Variants in PKHD1 observed in about 807,000 individuals in gnomAD.
The protein encoded by PKHD1 is PKHD1 ciliary IPT domain containing fibrocystin/polyductin, also known as fibrocystin.
A neutral mutation model predicts 412.0 loss-of-function variants in PKHD1; 291 were observed. The observed-to-expected ratio is 0.71, with a 90% confidence interval of 0.64 to 0.78. The LOEUF is 0.78. Among genes scored for constraint, PKHD1 ranks in the 30% least tolerant of loss-of-function variants. The probability of loss-of-function intolerance (pLI) is 0.00; values close to 1 mark genes in which losing one functional copy is unlikely to be tolerated. For synonymous variants in PKHD1, 1,777 were observed against 1,821.5 expected, an observed-to-expected ratio of 0.98 and a Z score of 0.62; for missense variants, 4,825 against 4,950.7, an observed-to-expected ratio of 0.97 and a Z score of 0.76.
chr6:52,026,291 A>G, intron 31 of PKHD1, 110 bp from the exon 32 acceptor site: 1 of 1,017,926 alleles, frequency 9.8e-7, no homozygotes, highest in Non-Finnish European at 1.5e-6. Context: ...GGCATGTGTT[A>G]GTGAAACCTC....
intron 37 of PKHD1, among the ~76,000 whole-genome samples, chr6:51,920,883 C>T (rs1474885442): frequency 6.6e-6 from 1 of 152,132 alleles, no homozygotes. Context: ...TTATCCATTT[C>T]TTCTATATTT....
chr6:51,737,051 G>T (rs1783948554), intron 60 of PKHD1, among the ~76,000 whole-genome samples: 1 of 151,948 alleles, frequency 6.6e-6, no homozygotes, highest in Non-Finnish European at 1.5e-5. Context: ...TTTTATTTTT[G>T]ATTTGAGGCC....
chr6:51,793,815 A>G (rs1031109742), intron 52 of PKHD1, among the ~76,000 whole-genome samples: 3 of 152,144 alleles, frequency 2.0e-5, no homozygotes, highest in African/African-American at 7.2e-5. Flanking sequence ...GCTATTGTGA[A>G]TAGTGCTGCA....
chr6:51,643,123 C>T lies in PKHD1; in HGVS notation c.11399-4167G>A, dbSNP rs557535031. On this transcript the variant is annotated intron_variant, in intron 63 of 66. Coordinates refer to ENST00000371117, the MANE Select transcript of PKHD1 (RefSeq NM_138694.4). The stretch of plus-strand genomic sequence containing the variant: ...CAGAAGGTGAGTGACTGTTACATAT[C>T]CTAAGCACTTTCTATACCAAAACAC... Among the ~76,000 whole-genome samples, 16 of 152,154 alleles carry T rather than the reference C, an allele frequency of 1.1e-4. No homozygotes were observed. The South Asian group carries it at 1.2e-3, about 12-fold the overall frequency.
chr6:52,086,179 C>G (rs1812758744), intron 1 of PKHD1, among the ~76,000 whole-genome samples: 1 of 150,576 alleles, frequency 6.6e-6, no homozygotes, highest in Admixed American at 6.6e-5. Flanking sequence ...GGCATGATGT[C>G]AGTTCACTGC....
chr6:52,067,400 T>C (rs764526759), intron 11 of PKHD1, among the ~76,000 whole-genome samples: 11 of 152,240 alleles, frequency 7.2e-5, no homozygotes, highest in Non-Finnish European at 1.2e-4. Flanking sequence ...TAGTTGTAGA[T>C]ATTTGATAAT....
intron 60 of PKHD1, among the ~76,000 whole-genome samples, chr6:51,708,774 C>T (rs1780304120): frequency 6.6e-6 from 1 of 152,184 alleles, no homozygotes; most frequent in South Asian, 2.1e-4. Flanking sequence ...TCCCTTCTCT[C>T]CTAAATCAAA....
intron 60 of PKHD1, among the ~76,000 whole-genome samples, chr6:51,696,892 G>A (rs1778865918): frequency 6.6e-6 from 1 of 152,104 alleles, no homozygotes; most frequent in Admixed American, 6.6e-5. Flanking sequence ...AGGTTTAAAA[G>A]GATACTCATA....
At chr6:52,005,793 C>T (rs1189871986) in intron 35 of PKHD1, among the ~76,000 whole-genome samples, 1 of 151,894 alleles carries the variant, frequency 6.6e-6, no homozygotes, top group South Asian at 2.1e-4. Context: ...TATGTATTCA[C>T]GTATTGAAGG....
At chr6:52,058,234 G>A (rs1382594416) in intron 16 of PKHD1, 89 bp downstream of exon 16, 16 of 1,281,216 alleles carry the variant, frequency 1.2e-5, no homozygotes, top group Admixed American at 1.7e-5. Context: ...TGACCCCTCA[G>A]GTCGCCAGAC....
intron 65 of PKHD1, among the ~76,000 whole-genome samples, chr6:51,629,385 T>TA (rs1005112674): frequency 1.1e-4 from 16 of 151,632 alleles, no homozygotes; most frequent in Admixed American, 3.3e-4. Flanking sequence ...CAATCCCATT[T>TA]AAAAAAAATG....
At chr6:51,711,169 C>A (rs1582216982) in intron 60 of PKHD1, among the ~76,000 whole-genome samples, 1 of 152,304 alleles carries the variant, frequency 6.6e-6, no homozygotes, top group East Asian at 1.9e-4. Context: ...AGGAACCTGT[C>A]CCTTCTCCTT....
chr6:51,683,983 T>C (rs1343021606), intron 60 of PKHD1, among the ~76,000 whole-genome samples: 1 of 152,086 alleles, frequency 6.6e-6, no homozygotes, highest in African/African-American at 2.4e-5. Context: ...CCTTTGCATA[T>C]GTCCTTCTGC....
chr6:52,024,468 T>G lies in PKHD1; in HGVS notation c.5236+106A>C, dbSNP rs997674234. 13 of 1,096,916 alleles carry G rather than the reference T, an allele frequency of 1.2e-5. No homozygotes were observed. In the African/African-American group the frequency reaches 1.8e-4, roughly 15 times the overall value. 67.9% of individuals were successfully genotyped at this position (1,096,916 alleles called of 1,614,324 possible). ...TTGTAAGAAGCCAGTGGGCTTCTCT[T>G]TCCTTCCATCAGGCAGATTGTGTTA... On this transcript the variant is annotated intron_variant, in intron 32 of 66. Coordinates refer to ENST00000371117, the MANE Select transcript of PKHD1 (RefSeq NM_138694.4).
At chr6:51,828,755 G>C (rs1227397471) in intron 52 of PKHD1, among the ~76,000 whole-genome samples, 3 of 151,996 alleles carry the variant, frequency 2.0e-5, no homozygotes, top group Non-Finnish European at 4.4e-5. Context: ...AGAGTTCAGA[G>C]AGAGACAAAA....
intron 52 of PKHD1, among the ~76,000 whole-genome samples, chr6:51,815,386 G>A (rs747987272): frequency 4.6e-5 from 7 of 152,056 alleles, no homozygotes; most frequent in African/African-American, 1.7e-4. Context: ...ATGAGGATTC[G>A]GGGACACTTT....
At chr6:51,974,163 C>G (rs1042762823) in intron 35 of PKHD1, among the ~76,000 whole-genome samples, 6 of 152,138 alleles carry the variant, frequency 3.9e-5, no homozygotes, top group African/African-American at 1.4e-4. Context: ...AGCCCCCTCT[C>G]CAGAAGAAGT....
chr6:51,667,154 G>C (rs1190729388), intron 60 of PKHD1, among the ~76,000 whole-genome samples: 4 of 145,170 alleles, frequency 2.8e-5, no homozygotes, highest in East Asian at 2.0e-4. Context: ...AGTTTACAGT[G>C]CCACCAACAG....
chr6:51,761,251 A>G (rs753713240), intron 55 of PKHD1, among the ~76,000 whole-genome samples: 10 of 152,146 alleles, frequency 6.6e-5, no homozygotes, highest in Admixed American at 1.3e-4. Flanking sequence ...AGCCTTTAAA[A>G]AGAAGAAAAT....
Sources: allele counts gnomAD v4.1 joint callset (sites outside exome capture counted in the v4.1 genomes callset), GRCh38; gene constraint gnomAD v4.1.1; transcripts MANE v1.5; gene names NCBI Gene and HGNC (gene_info 2026-07-23, HGNC 2026-07-21).